KCNMA1: variants seen among roughly 807,000 people sequenced by gnomAD.
The protein encoded by KCNMA1 is potassium calcium-activated channel subfamily M alpha 1, also known as Calcium-activated potassium channel subunit alpha-1.
A neutral mutation model predicts 140.0 loss-of-function variants in KCNMA1; 29 were observed. That is an observed-to-expected ratio of 0.21 (90% confidence interval 0.15 to 0.28). KCNMA1 has a LOEUF of 0.28. Ranked by LOEUF, KCNMA1 falls within the 10% of genes least tolerant of loss-of-function variation. The pLI, the probability that KCNMA1 is intolerant of heterozygous loss-of-function variation, is 1.00. For synonymous variants in KCNMA1, 612 were observed against 611.9 expected, an observed-to-expected ratio of 1.00 and a Z score of 0.00; for missense variants, 880 against 1,602.2, an observed-to-expected ratio of 0.55 and a Z score of 7.70.
chr10:76,891,408 T>C (rs1431963018), intron 26 of KCNMA1, 117 bp downstream of exon 26: 5 of 768,042 alleles, frequency 6.5e-6, no homozygotes, highest in East Asian at 5.3e-5. Flanking sequence ...CTTACAGTTA[T>C]CTACAATAGG....
chr10:76,940,994 A>AGAGAAAGGAAGG (rs1565056414), intron 23 of KCNMA1, among the ~76,000 whole-genome samples: 1 of 52,246 alleles, frequency 1.9e-5, no homozygotes, highest in African/African-American at 7.6e-5. Flanking sequence ...AGAAAGAGAG[A>AGAGAAAGGAAGG]AAGAAAGGAA....
At chr10:77,224,741 C>T (rs943468417) in intron 3 of KCNMA1, among the ~76,000 whole-genome samples, 27 of 152,164 alleles carry the variant, frequency 1.8e-4, no homozygotes, top group Non-Finnish European at 8.8e-5. Flanking sequence ...CACCCATTCC[C>T]TATGTGACTC....
chr10:77,484,089 G>A (rs2098434956), intron 1 of KCNMA1, among the ~76,000 whole-genome samples: 1 of 152,314 alleles, frequency 6.6e-6, no homozygotes, highest in African/African-American at 2.4e-5. Flanking sequence ...CTGGCACCGT[G>A]GGATTTCTGG....
chr10:77,424,186 TA>T (rs2096926682), intron 1 of KCNMA1, among the ~76,000 whole-genome samples: 1 of 152,258 alleles, frequency 6.6e-6, no homozygotes, highest in Non-Finnish European at 1.5e-5. Context: ...TTCTGAGCTA[TA>T]ATACAGGAAT....
At chr10:77,097,140 T>C (rs2096953965) in intron 9 of KCNMA1, among the ~76,000 whole-genome samples, 1 of 152,174 alleles carries the variant, frequency 6.6e-6, no homozygotes, top group Non-Finnish European at 1.5e-5. Context: ...TCTCACCTGG[T>C]AGTGCTTTTC....
At chr10:77,612,417 G>A (rs904196578) in intron 1 of KCNMA1, among the ~76,000 whole-genome samples, 1 of 152,172 alleles carries the variant, frequency 6.6e-6, no homozygotes, top group African/African-American at 2.4e-5. Context: ...TGTAAATGAT[G>A]CAAAAAGAGA....
intron 5 of KCNMA1, among the ~76,000 whole-genome samples, chr10:77,141,850 A>G (rs2098177991): frequency 6.6e-6 from 1 of 152,206 alleles, no homozygotes; most frequent in Non-Finnish European, 1.5e-5. Flanking sequence ...TATTGGTAGA[A>G]TTTTCAAAGC....
At chr10:77,311,489 T>C (rs1288903197) in intron 2 of KCNMA1, among the ~76,000 whole-genome samples, 1 of 152,126 alleles carries the variant, frequency 6.6e-6, no homozygotes, top group Non-Finnish European at 1.5e-5. Context: ...TCCCCTTTCT[T>C]TGAAACCCAG....
At chr10:77,624,934 G>A (rs1478585864) in intron 1 of KCNMA1, among the ~76,000 whole-genome samples, 2 of 151,950 alleles carry the variant, frequency 1.3e-5, no homozygotes, top group Non-Finnish European at 2.9e-5. Context: ...AAGAATATCA[G>A]CTGCCCACCG....
intron 1 of KCNMA1, among the ~76,000 whole-genome samples, chr10:77,516,833 C>A (rs1422844925): frequency 6.6e-6 from 1 of 152,068 alleles, no homozygotes; most frequent in Non-Finnish European, 1.5e-5. Flanking sequence ...TGGGCACCTG[C>A]CGGTGTACGG....
At chr10:77,165,136 G>T (rs1203500172) in intron 5 of KCNMA1, among the ~76,000 whole-genome samples, 1 of 152,104 alleles carries the variant, frequency 6.6e-6, no homozygotes, top group Non-Finnish European at 1.5e-5. Flanking sequence ...AGCTGAAAGT[G>T]TCTCATATGA....
intron 20 of KCNMA1, among the ~76,000 whole-genome samples, chr10:76,963,005 G>A (rs2072329974): frequency 6.6e-6 from 1 of 152,176 alleles, no homozygotes; most frequent in Non-Finnish European, 1.5e-5. Flanking sequence ...GCTATAAAAA[G>A]GGCATTGTGA....
intron 5 of KCNMA1, among the ~76,000 whole-genome samples, chr10:77,145,129 A>G (rs1485779029): frequency 6.6e-6 from 1 of 152,074 alleles, no homozygotes; most frequent in African/African-American, 2.4e-5. Context: ...CATGGGGCAC[A>G]TCTGCCAGCC....
chr10:76,981,408 C>A (rs984908288), intron 19 of KCNMA1, among the ~76,000 whole-genome samples: 20 of 152,162 alleles, frequency 1.3e-4, no homozygotes, highest in African/African-American at 4.6e-4. Context: ...CCATTCAGGG[C>A]AAGAACAAAT....
chr10:76,885,404 C>G lies in KCNMA1; in HGVS notation c.*1862G>C. The G allele has an allele frequency of 1.0e-6, 1 of 984,852 alleles. No individual in the cohort carries two copies. The highest frequency in any genetic ancestry group is 1.2e-6 in the Non-Finnish European group (1 of 829,626). The allele number at this position is 984,852 out of a possible 1,614,324, so 61.0% of individuals were successfully genotyped here. The stretch of plus-strand genomic sequence containing the variant: ...CACCACAATACTGGTTTGAATACTA[C>G]GCTGCCCCTGTCTTTGGTGTGGGGG... On this transcript the variant is annotated 3_prime_UTR_variant, in exon 28 of 28. Coordinates refer to ENST00000286628, the MANE Select transcript of KCNMA1 (RefSeq NM_001161352.2).
At chr10:77,419,743 G>A (rs564188539) in intron 1 of KCNMA1, among the ~76,000 whole-genome samples, 16 of 152,032 alleles carry the variant, frequency 1.1e-4, no homozygotes, top group South Asian at 8.3e-4. Flanking sequence ...GGGACCCATC[G>A]TCATTGCCAG....
chr10:76,882,146 C>A (rs1160245990), downstream of KCNMA1, among the ~76,000 whole-genome samples: 1 of 152,208 alleles, frequency 6.6e-6, no homozygotes, highest in African/African-American at 2.4e-5. Flanking sequence ...ACAGGCTGCA[C>A]TGTGATAATT....
intron 10 of KCNMA1, among the ~76,000 whole-genome samples, chr10:77,088,890 T>C (rs1017603713): frequency 6.6e-6 from 1 of 152,240 alleles, no homozygotes. Flanking sequence ...CAGTCACTTC[T>C]GCCACCTGAT....
chr10:77,336,729 G>A (rs1038753346), intron 2 of KCNMA1, among the ~76,000 whole-genome samples: 2 of 152,124 alleles, frequency 1.3e-5, no homozygotes, highest in African/African-American at 4.8e-5. Context: ...GATTGAATTC[G>A]GCAGGTCCAG....
Sources: gnomAD v4.1 joint callset for allele counts (sites outside exome capture counted in the v4.1 genomes callset) on GRCh38, gnomAD v4.1.1 for gene constraint, MANE v1.5 for transcripts, NCBI Gene and HGNC (gene_info 2026-07-23, HGNC 2026-07-21) for gene names.